Variants in OSBPL5 observed in about 807,000 individuals in gnomAD.
OSBPL5 encodes the protein oxysterol binding protein like 5, also known as oxysterol-binding protein-related protein 5.
Under a neutral mutation model 111.2 loss-of-function variants are expected in OSBPL5, and 71 were observed. The ratio of observed to expected loss-of-function variants is 0.64; its 90% CI spans 0.53 to 0.78. The LOEUF (loss-of-function observed/expected upper bound fraction) is 0.78. Among genes scored for constraint, OSBPL5 ranks in the 30% least tolerant of loss-of-function variants. The pLI is 0.00. For missense variants in OSBPL5, 1,210 were observed against 1,189.3 expected, an observed-to-expected ratio of 1.02 and a Z score of -0.26; for synonymous variants, 549 against 513.9, an observed-to-expected ratio of 1.07 and a Z score of -0.93.
At position 3,106,073 on chromosome 11, in the gene OSBPL5, C is replaced by A. The variant is rs1857681437; in HGVS notation, c.1059+1190G>T. On this transcript the variant is annotated intron_variant, in intron 9 of 21. Coordinates refer to ENST00000263650, the MANE Select transcript of OSBPL5 (RefSeq NM_020896.4). This position sits in a 1 kb window ranked among gnomAD's most constrained non-coding sequence, Gnocchi z 8.4. Reference sequence around the variant, plus strand: ...ACTCTCAGCCTGAGGCCCCCAGGGCCCTCGGTCCACTCCCCATAGGCCCAT... The same window carrying A: ...ACTCTCAGCCTGAGGCCCCCAGGGCACTCGGTCCACTCCCCATAGGCCCAT... Among the ~76,000 whole-genome samples the A allele has an allele frequency of 6.6e-6, 1 of 152,116 alleles. No individual in the cohort carries two copies. The highest frequency in any genetic ancestry group is 2.1e-4 in the South Asian group (1 of 4,830).
intron 15 of OSBPL5, 70 bp downstream of exon 15, chr11:3,094,167 G>C (rs1329511929): frequency 1.4e-6 from 2 of 1,438,230 alleles, no homozygotes; most frequent in Admixed American, 1.9e-5. Context: ...CCTGGGGAGA[G>C]TGTGAGGGGG....
rs1273395548 is a variant in OSBPL5 at position 3,107,398 on chromosome 11, G to T, written c.924C>A (p.Asn308Lys). 1.2e-6 allele frequency: 2 copies of T among 1,614,024 alleles called. No homozygotes were observed. The highest frequency in any genetic ancestry group is 1.7e-6 in the Non-Finnish European group (2 of 1,179,984). ...GGGTCTCGGTATCTGACTCCTCAGG[G>T]TTCTCTCTCTCCGACTTGTCTGAGA... Reference protein sequence around the residue: ...DAFSDKSERENPEESDTETQD... With the variant: ...DAFSDKSEREKPEESDTETQD... Residue 308 changes from asparagine to lysine, a missense_variant, in exon 9 of 22, where the codon AAC (asparagine) becomes AAA (lysine). Physicochemically the swap from Asn to Lys is moderately conservative, Grantham distance 94. Coordinates refer to ENST00000263650, the MANE Select transcript of OSBPL5 (RefSeq NM_020896.4). This position sits in a 1 kb window ranked among gnomAD's most constrained non-coding sequence, Gnocchi z 6.1.
intron 14 of OSBPL5, among the ~76,000 whole-genome samples, chr11:3,098,274 G>C (rs995149911): frequency 1.3e-5 from 2 of 151,286 alleles, no homozygotes; most frequent in Admixed American, 1.3e-4. Flanking sequence ...CATTAAGAGA[G>C]ACAAAGCAAA....
At chr11:3,138,042 C>T (rs1386834883) in intron 1 of OSBPL5, among the ~76,000 whole-genome samples, 1 of 152,214 alleles carries the variant, frequency 6.6e-6, no homozygotes, top group Non-Finnish European at 1.5e-5. Flanking sequence ...GCCTGCACTG[C>T]TGAGGACGCA....
At chr11:3,149,366 G>A (rs1265294229) in intron 1 of OSBPL5, among the ~76,000 whole-genome samples, 1 of 152,232 alleles carries the variant, frequency 6.6e-6, no homozygotes, top group Non-Finnish European at 1.5e-5. Flanking sequence ...CTGGTGGCCA[G>A]GAAAGGGGCA....
Position 3,129,107 on chromosome 11 carries a change from A to G in OSBPL5, c.42T>C (p.Cys14=). ...CTTTCTGAGGGGTGGAGGAAGGTGG[A>G]CACAGGGAGAAGCGGCGCCGGAGGA... ...EAFLRRRFSL[C]PPSSTPQKVD... The change falls in exon 2 of 22, where the codon TGT becomes TGC. Residue 14 remains cysteine (C), a synonymous_variant. Transcript: ENST00000263650. 1 of 1,532,734 alleles carries G rather than the reference A, an allele frequency of 6.5e-7. No homozygotes were observed. Among genetic ancestry groups the G allele is most frequent in the South Asian group, 1.2e-5 (1 of 81,694 alleles). 94.9% of individuals were successfully genotyped at this position (1,532,734 alleles called of 1,614,324 possible).
At chr11:3,098,484 GACA>G (rs1857348436) in intron 14 of OSBPL5, among the ~76,000 whole-genome samples, 1 of 30,606 alleles carries the variant, frequency 3.3e-5, no homozygotes, top group Non-Finnish European at 6.8e-5. Context: ...GCCATAAAAA[GACA>G]TGAAGGAATT....
rs1857736247 is a variant in OSBPL5, at chr11:3,107,321, C to T, written c.1001G>A (p.Gly334Glu). ...GGTGGTCCCTCTCCGCACCGGGGCC[C>T]CAGGGGTCTCTGACTGGTCGCTGCC... ...ESGSDQSETPGAPVRRGTTYV... is the reference protein window; with the variant it reads ...ESGSDQSETPEAPVRRGTTYV... The change falls in exon 9 of 22, where the codon GGG becomes GAG. Residue 334 changes from glycine to glutamate, a missense_variant. Gly to Glu is a moderately conservative substitution (Grantham distance 98). Coordinates refer to ENST00000263650, the MANE Select transcript of OSBPL5 (RefSeq NM_020896.4). The surrounding 1 kb of genome is among the most constrained non-coding windows in gnomAD (Gnocchi z 6.1). 2 of 1,613,910 alleles carry T rather than the reference C, an allele frequency of 1.2e-6. No homozygotes were observed.
chr11:3,115,575 G>A (rs1858181002), intron 7 of OSBPL5, among the ~76,000 whole-genome samples: 1 of 152,162 alleles, frequency 6.6e-6, no homozygotes, highest in Non-Finnish European at 1.5e-5. Context: ...GAGATTGTAA[G>A]GGCTGACTTT....
chr11:3,121,452 G>A lies in OSBPL5; in HGVS notation c.402+545C>T, dbSNP rs561635291. Among the ~76,000 whole-genome samples the A allele has an allele frequency of 2.1e-4, 32 of 152,030 alleles. No individual in the cohort carries two copies. The highest frequency in any genetic ancestry group is 7.5e-4 in the African/African-American group (31 of 41,478). On this transcript the variant is annotated intron_variant, in intron 5 of 21. Transcript: ENST00000263650. The surrounding 1 kb of genome is among the most constrained non-coding windows in gnomAD (Gnocchi z 4.3). The stretch of plus-strand genomic sequence containing the variant: ...CTTTTGATTCATCATTTTGGTATGC[G>A]GGTAGAAGGAGCCTACATGGGCCTG...
intron 1 of OSBPL5, among the ~76,000 whole-genome samples, chr11:3,147,432 C>T (rs1378536710): frequency 1.3e-5 from 2 of 152,376 alleles, no homozygotes; most frequent in South Asian, 2.1e-4. Flanking sequence ...GGTGACAAGG[C>T]CTGCTTCCAG....
At chr11:3,163,610 C>A (rs1847029131) in intron 1 of OSBPL5, among the ~76,000 whole-genome samples, 2 of 152,350 alleles carry the variant, frequency 1.3e-5, no homozygotes, top group South Asian at 4.1e-4. Flanking sequence ...ATGGCCCAAT[C>A]TGGACCCAGA....
rs563160103 is a variant in OSBPL5, at chr11:3,087,985, C to T, written c.*220G>A. 1.1e-4 allele frequency: 46 copies of T among 428,542 alleles called. No homozygotes were observed. The highest frequency in any genetic ancestry group is 5.5e-4 in the African/African-American group (27 of 49,144). 26.5% of individuals were successfully genotyped at this position (428,542 alleles called of 1,614,324 possible). The stretch of plus-strand genomic sequence containing the variant: ...CATTTGGCTTTAGCATTAAGGCCAG[C>T]GCTGGGCGGAAGGCCCTGCAGAGAG... On this transcript the variant is annotated 3_prime_UTR_variant, in exon 22 of 22. Coordinates refer to ENST00000263650, the MANE Select transcript of OSBPL5 (RefSeq NM_020896.4).
Position 3,092,808 on chromosome 11 carries a change from C to T in OSBPL5, c.2132+59G>A. ...AAGCCAGGAGCCCCTGGGCCCTTCT[C>T]AGCCCGTCTGCTAGGCCCAGCCCCA... On this transcript the variant is annotated intron_variant, in intron 18 of 21. Coordinates refer to ENST00000263650, the MANE Select transcript of OSBPL5 (RefSeq NM_020896.4). The surrounding 1 kb of genome is among the most constrained non-coding windows in gnomAD (Gnocchi z 5.4). The T allele has an allele frequency of 1.4e-6, 2 of 1,471,344 alleles. No individual in the cohort carries two copies. The highest frequency in any genetic ancestry group is 1.8e-6 in the Non-Finnish European group (2 of 1,102,784). The allele number at this position is 1,471,344 out of a possible 1,614,324, so 91.1% of individuals were successfully genotyped here. A position where few individuals can be genotyped will look rare whatever the true frequency, so the allele number is the denominator to read the frequency against.
intron 1 of OSBPL5, among the ~76,000 whole-genome samples, chr11:3,155,905 G>A (rs76296231): frequency 0.14 from 21,968 of 152,250 alleles, 1,632 homozygotes; most frequent in East Asian, 0.18. Context: ...AACCTCAGCC[G>A]GACCCCACCC....
chr11:3,163,802 C>T (rs1277088237), intron 1 of OSBPL5: 4 of 152,238 alleles, frequency 2.6e-5, no homozygotes, highest in African/African-American at 9.7e-5. Context: ...CCTGGCACCC[C>T]AGGCCAGCCC....
intron 19 of OSBPL5, among the ~76,000 whole-genome samples, chr11:3,091,522 T>TCAGCAGAGGC (rs1296371592): frequency 6.6e-6 from 1 of 151,770 alleles, no homozygotes; most frequent in Non-Finnish European, 1.5e-5. Context: ...GCAGAGGGCA[T>TCAGCAGAGGC]TGGGGGTGGA....
chr11:3,126,351 C>G lies in OSBPL5; in HGVS notation c.219+122G>C. On this transcript the variant is annotated intron_variant, in intron 3 of 21. Transcript: ENST00000263650. This position sits in a 1 kb window ranked among gnomAD's most constrained non-coding sequence, Gnocchi z 6.5. ...CACAGTCTAGGATTGGGAGCTGTTTCCCCCGAACAGGCTGGAATGGCAGGC... is the reference window on the plus strand; with the variant it reads ...CACAGTCTAGGATTGGGAGCTGTTTGCCCCGAACAGGCTGGAATGGCAGGC... 2.3e-6 allele frequency: 2 copies of G among 853,212 alleles called. No individual in the cohort carries two copies. The highest frequency in any genetic ancestry group is 3.2e-5 in the Admixed American group (1 of 31,206). 52.9% of individuals were successfully genotyped at this position (853,212 alleles called of 1,614,324 possible).
intron 1 of OSBPL5, among the ~76,000 whole-genome samples, chr11:3,160,514 G>A (rs928411028): frequency 8.5e-5 from 13 of 152,226 alleles, no homozygotes; most frequent in African/African-American, 3.1e-4. Context: ...ACCCACAGCG[G>A]CGCGCCCTTT....
Sources: allele counts gnomAD v4.1 joint callset (sites outside exome capture counted in the v4.1 genomes callset), GRCh38; gene constraint gnomAD v4.1.1; non-coding constraint Gnocchi (gnomAD v3.1); transcripts MANE v1.5; gene names NCBI Gene and HGNC (gene_info 2026-07-23, HGNC 2026-07-21).